The following TFRC variants were observed in gnomAD, a reference collection of about 807,000 sequenced individuals.
TFRC encodes transferrin receptor.
TFRC carries 35 observed loss-of-function variants against 85.8 expected under a neutral mutation model. That is an observed-to-expected ratio of 0.41 (90% confidence interval 0.31 to 0.54). The LOEUF (loss-of-function observed/expected upper bound fraction) is 0.54, where lower values mean the gene tolerates loss of function less well. TFRC is among the 20% of genes least tolerant of loss of function. The pLI, the probability that TFRC is intolerant of heterozygous loss-of-function variation, is 0.31. For missense variants in TFRC, 828 were observed against 921.5 expected (o/e 0.90, Z 1.31); for synonymous variants, 362 against 328.6 (o/e 1.10, Z -1.10).
rs41298063 is a variant in TFRC, at chr3:196,053,806, C to T, written c.1900-248G>A. Among the ~76,000 whole-genome samples, 5,362 of 152,274 alleles carry T rather than the reference C, an allele frequency of 0.035. 125 individuals are homozygous for T. Among genetic ancestry groups the T allele is most frequent in the South Asian group, 0.1 (481 of 4,832 alleles). ...GAACATAATTATATAATCCTATGTACTATATTGTTTCCAGTTCAATTCTCC... is the reference window on the plus strand; with the variant it reads ...GAACATAATTATATAATCCTATGTATTATATTGTTTCCAGTTCAATTCTCC... On this transcript the variant is annotated intron_variant, in intron 17 of 18. Transcript: ENST00000360110.
At chr3:196,069,885 C>T (rs1160906345) in intron 6 of TFRC, among the ~76,000 whole-genome samples, 6 of 152,142 alleles carry the variant, frequency 3.9e-5, no homozygotes, top group Non-Finnish European at 7.4e-5. Context: ...ACAATCTTAG[C>T]CTTGAGGACA....
At chr3:196,073,049 A>AAACAAACAAAC (rs1560087183) in intron 4 of TFRC, among the ~76,000 whole-genome samples, 4 of 93,812 alleles carry the variant, frequency 4.3e-5, no homozygotes, top group African/African-American at 1.4e-4. Context: ...AAAAAAAAAA[A>AAACAAACAAAC]AAAAAAAAAA....
At chr3:196,069,647 G>C (rs1448270586) in intron 6 of TFRC, 79 bp from the exon 7 acceptor site, 1 of 899,078 alleles carries the variant, frequency 1.1e-6, no homozygotes, top group Non-Finnish European at 1.7e-6. Flanking sequence ...GAGTGTTATA[G>C]ATCAAACCTA....
At chr3:196,073,001 A>G (rs1012351071) in intron 4 of TFRC, 3 of 148,070 alleles carry the variant, frequency 2.0e-5, no homozygotes, top group African/African-American at 7.5e-5. Flanking sequence ...GGAGTTAGAC[A>G]CCAGCCTGGC....
intron 7 of TFRC, 79 bp from the exon 8 acceptor site, chr3:196,068,209 A>T: frequency 1.0e-6 from 1 of 986,676 alleles, no homozygotes; most frequent in Admixed American, 2.3e-5. Context: ...ATTATGCTAA[A>T]GGCCAAATGG....
intron 9 of TFRC, among the ~76,000 whole-genome samples, chr3:196,066,281 T>C (rs936650687): frequency 2.0e-5 from 3 of 152,250 alleles, no homozygotes; most frequent in South Asian, 4.1e-4. Context: ...ATAGTACACA[T>C]TCTTAGCTCA....
At chr3:196,066,356 G>A (rs566625680) in intron 9 of TFRC, among the ~76,000 whole-genome samples, 2 of 152,142 alleles carry the variant, frequency 1.3e-5, no homozygotes, top group East Asian at 3.9e-4. Flanking sequence ...ACTTTGGAAG[G>A]CCGAGGCAGA....
intron 18 of TFRC, 84 bp from the exon 19 acceptor site, chr3:196,052,268 C>G (rs1448098093): frequency 7.5e-7 from 1 of 1,334,356 alleles, no homozygotes; most frequent in Non-Finnish European, 1.0e-6. Flanking sequence ...GTAAAATGTC[C>G]CAAATTTAAG....
At position 196,073,926 on chromosome 3, in the gene TFRC, T is replaced by A; in HGVS notation, c.434+4A>T. ...TAGATACTTGCACAGCAGCTGGCAC[T>A]CACTTGATGGTGCCGGTGAAGTCTG... On this transcript the variant is annotated splice_donor_region_variant and intron_variant, in intron 4 of 18. Coordinates refer to ENST00000360110, the MANE Select transcript of TFRC (RefSeq NM_001128148.3). The A allele has an allele frequency of 3.7e-6, 6 of 1,609,542 alleles. No individual in the cohort carries two copies. The highest frequency in any genetic ancestry group is 5.1e-6 in the Non-Finnish European group (6 of 1,177,070).
At position 196,074,029 on chromosome 3, in the gene TFRC, G is replaced by A. The variant is rs1308442159; in HGVS notation, c.335C>T (p.Pro112Leu). 6.2e-7 allele frequency: 1 copy of A among 1,613,994 alleles called. No individual in the cohort carries two copies. The highest frequency in any genetic ancestry group is 8.5e-7 in the Non-Finnish European group (1 of 1,180,026). The change falls in exon 4 of 19, where the codon CCA (proline) becomes CTA (leucine). Residue 112 changes from proline to leucine, a missense_variant. Coordinates refer to ENST00000360110, the MANE Select transcript of TFRC (RefSeq NM_001128148.3). ...ACGTGCTGCAGGGAAGTCCTCTCCT[G>A]GCTCCTCCCTCACTGGAGACTCGGT... ...AGTESPVREE[P>L]GEDFPAARRL...
chr3:196,062,441 G>C, intron 13 of TFRC, 141 bp downstream of exon 13: 1 of 725,062 alleles, frequency 1.4e-6, no homozygotes, highest in Non-Finnish European at 2.4e-6. Flanking sequence ...GCTAAGGCAG[G>C]AGAATCGCTT....
chr3:196,063,065 C>A, intron 11 of TFRC, 126 bp from the exon 12 acceptor site: 1 of 635,760 alleles, frequency 1.6e-6, no homozygotes, highest in Non-Finnish European at 2.5e-6. Flanking sequence ...TCTTTTTTTT[C>A]TGAGCCAAAA....
At position 196,062,648 on chromosome 3, in the gene TFRC, A is replaced by G; in HGVS notation, c.1405-3T>C. 6.2e-7 allele frequency: 1 copy of G among 1,604,300 alleles called. No individual in the cohort carries two copies. Among genetic ancestry groups the G allele is most frequent in the East Asian group, 2.2e-5 (1 of 44,854 alleles). ...AAATGCAGGGACGAAAGGTATCCCT[A>G]GAAGAGAAGGGAAAACACTAATAAG... On this transcript the variant is annotated splice_polypyrimidine_tract_variant and splice_region_variant and intron_variant, in intron 12 of 18. Transcript: ENST00000360110.
intron 9 of TFRC, among the ~76,000 whole-genome samples, 157 bp from the exon 10 acceptor site, chr3:196,065,757 T>C (rs1172664770): frequency 6.6e-6 from 1 of 152,112 alleles, no homozygotes; most frequent in Non-Finnish European, 1.5e-5. Context: ...TTTGGGAGGC[T>C]GAGGCAGGTG....
intron 2 of TFRC, 93 bp downstream of exon 2, chr3:196,076,971 A>G: frequency 8.6e-7 from 1 of 1,168,836 alleles, no homozygotes; most frequent in South Asian, 1.3e-5. Context: ...CTGATAATAG[A>G]TTGGGGTTAT....
In TFRC at chr3:196,049,992, C is replaced by T. The variant is rs41299372; in HGVS notation, c.*1950G>A. The T allele has an allele frequency of 3.2e-3, 747 of 230,802 alleles. 8 individuals carry two copies. The highest frequency in any genetic ancestry group is 0.015 in the African/African-American group (701 of 45,328). The allele number at this position is 230,802 out of a possible 1,614,324, so 14.3% of individuals were successfully genotyped here. On this transcript the variant is annotated 3_prime_UTR_variant, in exon 19 of 19. Coordinates refer to ENST00000360110, the MANE Select transcript of TFRC (RefSeq NM_001128148.3). ...TAATGATGGTTCACTCACGGAGCTTCGAACTTATTCATACCTACATTTAAT... is the reference window on the plus strand; with the variant it reads ...TAATGATGGTTCACTCACGGAGCTTTGAACTTATTCATACCTACATTTAAT...
intron 4 of TFRC, among the ~76,000 whole-genome samples, chr3:196,073,274 G>A (rs919677291): frequency 6.7e-4 from 101 of 149,798 alleles, no homozygotes; most frequent in Non-Finnish European, 1.5e-4. Flanking sequence ...GGGAGACATG[G>A]TGAGACTCCA....
chr3:196,052,826 A>C (rs1348858017), intron 18 of TFRC, among the ~76,000 whole-genome samples: 1 of 152,036 alleles, frequency 6.6e-6, no homozygotes, highest in African/African-American at 2.4e-5. Flanking sequence ...TAAAATTCTA[A>C]AGGAGGCTAG....
intron 13 of TFRC, among the ~76,000 whole-genome samples, chr3:196,061,583 G>A (rs996583511): frequency 3.9e-5 from 6 of 152,018 alleles, no homozygotes; most frequent in African/African-American, 1.2e-4. Flanking sequence ...TCTGCCTCCC[G>A]GGTTCAAGTG....
Sources: gnomAD v4.1 joint callset for allele counts (sites outside exome capture counted in the v4.1 genomes callset) on GRCh38, gnomAD v4.1.1 for gene constraint, MANE v1.5 for transcripts, NCBI Gene and HGNC (gene_info 2026-07-23, HGNC 2026-07-21) for gene names.